Variants in MACROD2 observed in about 807,000 individuals in gnomAD.
MACROD2 encodes mono-ADP ribosylhydrolase 2, also known as ADP-ribose glycohydrolase MACROD2.
A neutral mutation model predicts 70.4 loss-of-function variants in MACROD2; 36 were observed. The observed-to-expected ratio is 0.51, with a 90% CI of 0.39 to 0.68. MACROD2 has a LOEUF of 0.68. Among genes scored for constraint, MACROD2 ranks in the 30% least tolerant of loss-of-function variants. The pLI, the probability that MACROD2 is intolerant of heterozygous loss-of-function variation, is 0.00. For synonymous variants in MACROD2, 172 were observed against 178.8 expected (o/e 0.96, Z 0.30); for missense variants, 496 against 538.4 (o/e 0.92, Z 0.78).
intron 5 of MACROD2, among the ~76,000 whole-genome samples, chr20:14,718,210 T>G (rs530882445): frequency 2.1e-5 from 3 of 140,028 alleles, no homozygotes; most frequent in African/African-American, 8.0e-5. Flanking sequence ...GGAGAATTGC[T>G]TGAATCCAGG....
At chr20:14,285,246 T>C (rs2122422100) in intron 3 of MACROD2, among the ~76,000 whole-genome samples, 1 of 152,334 alleles carries the variant, frequency 6.6e-6, no homozygotes, top group Non-Finnish European at 1.5e-5. Flanking sequence ...GTCTAAACAC[T>C]TAATTCATCT....
intron 9 of MACROD2, among the ~76,000 whole-genome samples, chr20:15,870,852 G>T (rs943659442): frequency 1.3e-5 from 2 of 152,072 alleles, no homozygotes; most frequent in African/African-American, 4.8e-5. Context: ...GCTAGACAAG[G>T]GTATAGCACT....
intron 3 of MACROD2, among the ~76,000 whole-genome samples, chr20:14,250,818 A>T (rs923935039): frequency 6.6e-6 from 1 of 152,144 alleles, no homozygotes; most frequent in Non-Finnish European, 1.5e-5. Flanking sequence ...TTGAATCTGA[A>T]AAAATGCAAT....
intron 7 of MACROD2, among the ~76,000 whole-genome samples, chr20:15,480,156 G>A (rs1376816287): frequency 6.6e-6 from 1 of 152,166 alleles, no homozygotes; most frequent in Non-Finnish European, 1.5e-5. Flanking sequence ...CATGGAGAGT[G>A]AACGATGAGC....
rs78562533 is a variant in MACROD2, at chr20:15,491,304, C to G, written c.572-8470C>G. 3.6e-3 allele frequency among the ~76,000 whole-genome samples: 547 copies of G among 152,280 alleles called. 5 individuals carry two copies. Among genetic ancestry groups the G allele is most frequent in the African/African-American group, 0.012 (512 of 41,554 alleles). ...ATTAGCTATTTTATAGAACATTTCT[C>G]TACTGTGCATGTGCTAGAGGTTACA... On this transcript the variant is annotated intron_variant, in intron 7 of 17. Coordinates refer to ENST00000684519, the MANE Select transcript of MACROD2 (RefSeq NM_001351661.2).
intron 5 of MACROD2, among the ~76,000 whole-genome samples, chr20:14,883,318 G>C (rs1229806057): frequency 6.6e-6 from 1 of 152,114 alleles, no homozygotes; most frequent in Non-Finnish European, 1.5e-5. Context: ...TGAACATTAT[G>C]TCTACAATGT....
At chr20:15,229,824 AGCTT>A in intron 5 of MACROD2, 112 bp from the exon 6 acceptor site, 4 of 1,082,720 alleles carry the variant, frequency 3.7e-6, no homozygotes, top group Non-Finnish European at 4.9e-6. Flanking sequence ...TGTATTGCTT[AGCTT>A]GCTTGTCTCC....
chr20:15,462,198 G>A (rs1442698987), intron 7 of MACROD2, among the ~76,000 whole-genome samples: 4 of 152,126 alleles, frequency 2.6e-5, no homozygotes, highest in Non-Finnish European at 4.4e-5. Context: ...TTTACATGAA[G>A]TGAAAAATTT....
At chr20:14,479,623 G>A (rs1393834193) in intron 3 of MACROD2, among the ~76,000 whole-genome samples, 4 of 152,166 alleles carry the variant, frequency 2.6e-5, no homozygotes, top group East Asian at 3.9e-4. Flanking sequence ...GTTGCCTCTC[G>A]CATTATCTCC....
intron 8 of MACROD2, among the ~76,000 whole-genome samples, chr20:15,633,022 C>A (rs1442023899): frequency 6.6e-6 from 1 of 152,028 alleles, no homozygotes; most frequent in Non-Finnish European, 1.5e-5. Flanking sequence ...TACAGAGGCA[C>A]CTACAACTTT....
At chr20:15,400,000 G>A (rs2045908637) in intron 6 of MACROD2, among the ~76,000 whole-genome samples, 1 of 152,158 alleles carries the variant, frequency 6.6e-6, no homozygotes, top group Non-Finnish European at 1.5e-5. Context: ...GGGACCAGCA[G>A]CAATGACCAG....
intron 5 of MACROD2, among the ~76,000 whole-genome samples, chr20:14,806,009 C>G (rs903018632): frequency 6.6e-6 from 1 of 152,018 alleles, no homozygotes; most frequent in Non-Finnish European, 1.5e-5. Flanking sequence ...TGAGTTTATA[C>G]AGATAAAGCA....
chr20:14,642,950 A>T (rs914688092), intron 4 of MACROD2, among the ~76,000 whole-genome samples: 1 of 152,162 alleles, frequency 6.6e-6, no homozygotes, highest in Non-Finnish European at 1.5e-5. Context: ...TGTAAAAAAA[A>T]TGCAGTATCC....
chr20:16,048,682 A>C (rs2067417270), intron 17 of MACROD2, among the ~76,000 whole-genome samples: 1 of 152,152 alleles, frequency 6.6e-6, no homozygotes, highest in African/African-American at 2.4e-5. Context: ...GTTACAGAGG[A>C]TGTGGAGGAG....
At chr20:14,394,174 T>C (rs1052704204) in intron 3 of MACROD2, among the ~76,000 whole-genome samples, 3 of 152,220 alleles carry the variant, frequency 2.0e-5, no homozygotes, top group Non-Finnish European at 4.4e-5. Flanking sequence ...TCAATTGAGA[T>C]TGTGTTGAAT....
At chr20:14,567,364 A>G (rs765197580) in intron 4 of MACROD2, among the ~76,000 whole-genome samples, 7 of 152,050 alleles carry the variant, frequency 4.6e-5, no homozygotes, top group Non-Finnish European at 8.8e-5. Context: ...GGATGTCCAA[A>G]TGTCAATGAT....
At chr20:15,128,533 T>A (rs535611006) in intron 5 of MACROD2, among the ~76,000 whole-genome samples, 12 of 152,206 alleles carry the variant, frequency 7.9e-5, no homozygotes, top group African/African-American at 2.2e-4. Context: ...GAATTGTATT[T>A]TAATACTCTG....
At chr20:15,126,695 A>T (rs1330169714) in intron 5 of MACROD2, among the ~76,000 whole-genome samples, 1 of 152,102 alleles carries the variant, frequency 6.6e-6, no homozygotes. Flanking sequence ...ATAGACAAAA[A>T]CTATGCCTGA....
chr20:15,209,141 A>ATTTATTTC (rs1555792783), intron 5 of MACROD2, among the ~76,000 whole-genome samples: 1 of 141,614 alleles, frequency 7.1e-6, no homozygotes, highest in African/African-American at 2.7e-5. Context: ...TTATTTATTT[A>ATTTATTTC]TTTATTTTTT....
Sources: allele counts gnomAD v4.1 joint callset (sites outside exome capture counted in the v4.1 genomes callset), GRCh38; gene constraint gnomAD v4.1.1; transcripts MANE v1.5; gene names NCBI Gene and HGNC (gene_info 2026-07-23, HGNC 2026-07-21).